The following PTRH1 variants were observed in gnomAD, a reference collection of about 807,000 sequenced individuals.
PTRH1 encodes peptidyl-tRNA hydrolase.
Under a neutral mutation model 15.7 loss-of-function variants are expected in PTRH1, and 13 were observed. The ratio of observed to expected loss-of-function variants is 0.83; its 90% confidence interval spans 0.54 to 1.31. The LOEUF is 1.31. PTRH1 is among the 40% of genes most tolerant of loss of function. PTRH1 has a pLI of 0.00. For synonymous variants in PTRH1, 139 were observed against 136.7 expected (o/e 1.02, Z -0.12); for missense variants, 319 against 296.2 (o/e 1.08, Z -0.56).
intron 2 of PTRH1, 42 bp downstream of exon 2, chr9:127,714,933 C>T: frequency 1.5e-6 from 1 of 653,262 alleles, no homozygotes; most frequent in Non-Finnish European, 2.6e-6. Context: ...CCAACCCCCA[C>T]CCCCTTGGCC....
At chr9:127,703,807 G>A (rs928099152) in intron 1 of PTRH1, among the ~76,000 whole-genome samples, 9 of 152,236 alleles carry the variant, frequency 5.9e-5, no homozygotes, top group African/African-American at 2.2e-4. Flanking sequence ...CTATGAGCTA[G>A]CTGGAGTTGG....
downstream of PTRH1, chr9:127,711,774 G>T: frequency 1.3e-6 from 2 of 1,537,878 alleles, no homozygotes; most frequent in South Asian, 2.5e-5. Context: ...TCTGCAGCTG[G>T]GGGACAGGGC....
intron 1 of PTRH1, chr9:127,695,368 C>G (rs1359614051): frequency 2.0e-6 from 1 of 507,118 alleles, no homozygotes; most frequent in East Asian, 3.2e-5. Context: ...TATAAAGCTT[C>G]AATGTTGCAG....
At chr9:127,695,857 T>C (rs1356153698) in intron 1 of PTRH1, 1 of 152,192 alleles carries the variant, frequency 6.6e-6, no homozygotes, top group Non-Finnish European at 1.5e-5. Flanking sequence ...TGGATACATA[T>C]GTTGTAAATG....
chr9:127,696,777 A>G (rs1233372169), intron 1 of PTRH1, among the ~76,000 whole-genome samples: 1 of 152,102 alleles, frequency 6.6e-6, no homozygotes, highest in Non-Finnish European at 1.5e-5. Flanking sequence ...CAGGAGAATC[A>G]CTTGACCCCG....
chr9:127,714,819 C>T, intron 2 of PTRH1, 117 bp from the exon 3 acceptor site: 2 of 1,084,658 alleles, frequency 1.8e-6, no homozygotes, highest in Non-Finnish European at 2.7e-6. Flanking sequence ...GAAACTGAGG[C>T]CCCCCGAAGT....
downstream of PTRH1, chr9:127,711,823 A>C (rs1564366408): frequency 6.4e-7 from 1 of 1,564,570 alleles, no homozygotes; most frequent in Non-Finnish European, 8.7e-7. Flanking sequence ...CCCGCAGATC[A>C]TCCTCATGCT....
downstream of PTRH1, chr9:127,712,812 C>G (rs370613192): frequency 6.2e-7 from 1 of 1,614,032 alleles, no homozygotes; most frequent in Non-Finnish European, 8.5e-7. Flanking sequence ...ACTGTGGCCA[C>G]GAGACCTCAG....
downstream of PTRH1, chr9:127,711,277 C>T (rs771046247): frequency 1.2e-5 from 19 of 1,614,076 alleles, no homozygotes; most frequent in Non-Finnish European, 4.2e-6. Flanking sequence ...CCAATGAGTT[C>T]CACAAGGTGA....
rs767764968 is a variant in PTRH1 at position 127,715,068 on chromosome 9, C to T, written c.223G>A (p.Asp75Asn). The T allele has an allele frequency of 6.5e-6, 10 of 1,528,626 alleles. No individual in the cohort carries two copies. The South Asian group carries it at 1.2e-4, about 18-fold the overall frequency. The allele number at this position is 1,528,626 out of a possible 1,614,324, so 94.7% of individuals were successfully genotyped here. A position where few individuals can be genotyped will look rare whatever the true frequency, so the allele number is the denominator to read the frequency against. ...SWTRDRHCAADLALAPLGDAQ... is the reference protein window; with the variant it reads ...SWTRDRHCAANLALAPLGDAQ... ...TCCCCCAGCGGGGCCAGGGCGAGGT[C>T]GGCGGCACAGTGCCGGTCGCGCGTC... is the stretch of plus-strand genomic sequence containing the variant. The change falls in exon 2 of 5, where the codon GAC (aspartate) becomes AAC (asparagine). Residue 75 changes from aspartate (D) to asparagine (N), a missense_variant. Physicochemically the swap from Asp to Asn is conservative, Grantham distance 23. Transcript: ENST00000543175. The surrounding 1 kb of genome is among the most constrained non-coding windows in gnomAD (Gnocchi z 5.8).
intron 1 of PTRH1, among the ~76,000 whole-genome samples, chr9:127,699,483 C>A (rs967127009): frequency 3.9e-5 from 6 of 152,192 alleles, no homozygotes; most frequent in African/African-American, 1.4e-4. Flanking sequence ...GATTGGTCGC[C>A]TCTGGCCCTG....
At position 127,714,959 on chromosome 9, in the gene PTRH1, G is replaced by A; in HGVS notation, c.316+16C>T. 1 of 95,352 alleles carries A rather than the reference G, an allele frequency of 1.0e-5. No homozygotes were observed. The highest frequency in any genetic ancestry group is 1.9e-5 in the Non-Finnish European group (1 of 53,732). The allele number at this position is 95,352 out of a possible 1,614,324, so 5.9% of individuals were successfully genotyped here. A position where few individuals can be genotyped will look rare whatever the true frequency, so the allele number is the denominator to read the frequency against. ...CCCCTTGGCCCGCCCGCCCACCCCT[G>A]GCGCTCTCAACTCACCAGCCCGGGC... is the stretch of plus-strand genomic sequence containing the variant. On this transcript the variant is annotated intron_variant, in intron 2 of 4. Transcript: ENST00000543175.
intron 1 of PTRH1, among the ~76,000 whole-genome samples, chr9:127,702,593 C>T (rs1012462227): frequency 3.3e-5 from 5 of 152,154 alleles, no homozygotes; most frequent in African/African-American, 1.2e-4. Context: ...ATTGACAGAT[C>T]ATCATCCTGA....
At chr9:127,708,415 T>C (rs1842693898) in intron 1 of PTRH1, among the ~76,000 whole-genome samples, 1 of 152,156 alleles carries the variant, frequency 6.6e-6, no homozygotes, top group Non-Finnish European at 1.5e-5. Context: ...AGGCAGAGGT[T>C]GCAGAGAGCC....
chr9:127,714,463 G>A, intron 3 of PTRH1, 39 bp from the exon 4 acceptor site: 2 of 1,611,294 alleles, frequency 1.2e-6, no homozygotes, highest in Non-Finnish European at 1.7e-6. Flanking sequence ...TGCCTCCCTG[G>A]GGCAGTGTCC....
downstream of PTRH1, chr9:127,709,463 T>C (rs1276756689): frequency 6.2e-7 from 1 of 1,613,780 alleles, no homozygotes; most frequent in Admixed American, 1.7e-5. The surrounding 1 kb of genome is among the most constrained non-coding windows in gnomAD (Gnocchi z 4.7). Context: ...CAGGAGAAGA[T>C]GTTCCGCCAG....
rs548460325 is a variant in PTRH1, at chr9:127,714,627, G to A, written c.392C>T (p.Ala131Val). Reference protein sequence around the residue: ...DELDKPLGRLALKLGGSARGH... With the variant: ...DELDKPLGRLVLKLGGSARGH... ...CCTGGCACTGCCCCCCAGCTTCAGAGCCAGTCTCCCCAGGGGCTTGTCCAG... is the reference window on the plus strand; with the variant it reads ...CCTGGCACTGCCCCCCAGCTTCAGAACCAGTCTCCCCAGGGGCTTGTCCAG... Residue 131 changes from alanine (A) to valine (V), a missense_variant, in exon 3 of 5, where the codon GCT (alanine) becomes GTT (valine). Transcript: ENST00000543175. The A allele has an allele frequency of 3.1e-6, 5 of 1,613,966 alleles. No homozygotes were observed. Among genetic ancestry groups the A allele is most frequent in the Non-Finnish European group, 4.2e-6 (5 of 1,179,938 alleles).
intron 1 of PTRH1, among the ~76,000 whole-genome samples, chr9:127,696,400 T>A (rs1425941019): frequency 2.0e-5 from 3 of 152,334 alleles, no homozygotes; most frequent in African/African-American, 7.2e-5. Flanking sequence ...ACTTGCTGAA[T>A]CTTCTCAACA....
chr9:127,711,965 C>T (rs368267934), downstream of PTRH1: 30 of 1,600,560 alleles, frequency 1.9e-5, no homozygotes, highest in South Asian at 3.4e-5. Flanking sequence ...GTATGGCCCA[C>T]GGAGGGGCGG....
Sources: gnomAD v4.1 joint callset for allele counts (sites outside exome capture counted in the v4.1 genomes callset) on GRCh38, gnomAD v4.1.1 for gene constraint, Gnocchi (gnomAD v3.1) non-coding constraint, MANE v1.5 for transcripts, NCBI Gene and HGNC (gene_info 2026-07-23, HGNC 2026-07-21) for gene names.